SEPTIN11: variants seen among roughly 807,000 people sequenced by gnomAD.
The protein encoded by SEPTIN11 is septin-11.
In SEPTIN11, 25 loss-of-function variants were observed where a neutral mutation model predicts 51.4. That is an observed-to-expected ratio of 0.49 (90% CI 0.35 to 0.68). The LOEUF (loss-of-function observed/expected upper bound fraction) is 0.68. SEPTIN11 is among the 30% of genes least tolerant of loss of function. The pLI is 0.00. For missense variants in SEPTIN11, 381 were observed against 520.8 expected (o/e 0.73, Z 2.61); for synonymous variants, 174 against 184.1 (o/e 0.95, Z 0.44).
At chr4:77,033,169 A>T (rs1195926912) in intron 9 of SEPTIN11, among the ~76,000 whole-genome samples, 2 of 152,022 alleles carry the variant, frequency 1.3e-5, no homozygotes, top group Admixed American at 6.5e-5. Flanking sequence ...GAAAAAAAAA[A>T]ATCACACCTC....
chr4:76,979,710 C>A (rs568287644), intron 1 of SEPTIN11, among the ~76,000 whole-genome samples: 1 of 152,018 alleles, frequency 6.6e-6, no homozygotes, highest in South Asian at 2.1e-4. Flanking sequence ...ATGATGAAAC[C>A]CCGTCTCTAC....
intron 1 of SEPTIN11, chr4:76,972,536 C>G (rs2109903132): frequency 6.6e-6 from 1 of 151,990 alleles, no homozygotes. Context: ...GGAATCCAGC[C>G]TTTTTAGTTG....
rs1578216176 is a variant in SEPTIN11 at position 77,034,902 on chromosome 4, C to T, written c.*390C>T. 1 of 996,708 alleles carries T rather than the reference C, an allele frequency of 1.0e-6. No individual in the cohort carries two copies. Among genetic ancestry groups the T allele is most frequent in the African/African-American group, 1.7e-5 (1 of 57,790 alleles). The allele number at this position is 996,708 out of a possible 1,614,324, so 61.7% of individuals were successfully genotyped here. ...GCAGCTGAACTAAAAACCTGAATAG[C>T]CATGACAAGAGTTTGCATTTTCTTG... On this transcript the variant is annotated 3_prime_UTR_variant, in exon 10 of 10. Coordinates refer to ENST00000264893, the MANE Select transcript of SEPTIN11 (RefSeq NM_018243.4).
rs190031406 is a variant in SEPTIN11 at position 76,951,391 on chromosome 4, T to A, written c.27+1461T>A. On this transcript the variant is annotated intron_variant, in intron 1 of 9. Transcript: ENST00000264893. Reference sequence around the variant, plus strand: ...TCTTTTAAGAATTCTGGTCTTCTTTTGCACATAAATTGTGCTCTTGATAAT... The same window carrying A: ...TCTTTTAAGAATTCTGGTCTTCTTTAGCACATAAATTGTGCTCTTGATAAT... Among the ~76,000 whole-genome samples the A allele has an allele frequency of 3.0e-3, 453 of 152,366 alleles. 2 individuals carry two copies. Among genetic ancestry groups the A allele is most frequent in the Non-Finnish European group, 4.7e-3 (323 of 68,038 alleles).
intron 5 of SEPTIN11, among the ~76,000 whole-genome samples, chr4:77,017,587 C>T (rs1312310420): frequency 6.6e-6 from 1 of 152,176 alleles, no homozygotes. Context: ...TGAACTAGAA[C>T]ATTTCAATAT....
chr4:77,032,232 C>T (rs531912292), intron 9 of SEPTIN11: 1 of 152,206 alleles, frequency 6.6e-6, no homozygotes, highest in South Asian at 2.1e-4. Flanking sequence ...AATGTATCAC[C>T]AGAGCAAGGG....
intron 5 of SEPTIN11, among the ~76,000 whole-genome samples, chr4:77,016,599 CATATATATATATACACATAT>C (rs1725257979): frequency 1.6e-5 from 1 of 62,438 alleles, no homozygotes; most frequent in African/African-American, 5.5e-5. Flanking sequence ...TATACACACA[CATATATATATATACACATAT>C]ATATATATAT....
chr4:77,038,056 A>G lies in SEPTIN11; in HGVS notation c.*3544A>G, dbSNP rs1727154289. ...CGTCCTGCTGTCTCTGTGTGGTCCT[A>G]CAAAAACTGTCCATTCCCACCCCTT... On this transcript the variant is annotated 3_prime_UTR_variant, in exon 10 of 10. Transcript: ENST00000264893. The G allele has an allele frequency of 2.0e-6, 2 of 985,758 alleles. No homozygotes were observed. Among genetic ancestry groups the G allele is most frequent in the Admixed American group, 6.2e-5 (1 of 16,252 alleles). 61.1% of individuals were successfully genotyped at this position (985,758 alleles called of 1,614,324 possible).
intron 2 of SEPTIN11, among the ~76,000 whole-genome samples, chr4:76,998,032 G>C (rs6532760): frequency 0.55 from 83,294 of 151,560 alleles, 23,652 homozygotes; most frequent in Middle Eastern, 0.64. Context: ...TGTGCTGGCT[G>C]AGGGGCTGAC....
At position 76,984,073 on chromosome 4, in the gene SEPTIN11, G is replaced by A. The variant is rs1356624146; in HGVS notation, c.28-12352G>A. On this transcript the variant is annotated intron_variant, in intron 1 of 9. Coordinates refer to ENST00000264893, the MANE Select transcript of SEPTIN11 (RefSeq NM_018243.4). This position sits in a 1 kb window ranked among gnomAD's most constrained non-coding sequence, Gnocchi z 4.1. ...TGAGGATTTTGGCCATAATTGTTTAGTAATATTTGTAGAGCAAGACCAGAT... is the reference window on the plus strand; with the variant it reads ...TGAGGATTTTGGCCATAATTGTTTAATAATATTTGTAGAGCAAGACCAGAT... Among the ~76,000 whole-genome samples the A allele has an allele frequency of 6.6e-6, 1 of 152,180 alleles. No homozygotes were observed. The highest frequency in any genetic ancestry group is 1.9e-4 in the East Asian group (1 of 5,198).
At chr4:77,016,583 C>CATATATATACACACACATAT (rs1725250613) in intron 5 of SEPTIN11, among the ~76,000 whole-genome samples, 3 of 90,504 alleles carry the variant, frequency 3.3e-5, no homozygotes, top group Admixed American at 2.4e-4. Context: ...ATATATATAG[C>CATATATATACACACACATAT]ATATATATAC....
chr4:77,028,749 G>A lies in SEPTIN11; in HGVS notation c.1074G>A (p.Glu358=). 6 of 1,612,046 alleles carry A rather than the reference G, an allele frequency of 3.7e-6. No homozygotes were observed. In the South Asian group the frequency reaches 6.6e-5, roughly 18 times the overall value. The change falls in exon 8 of 10, where the codon GAG becomes GAA. Residue 358 remains glutamate (E), a synonymous_variant. Transcript: ENST00000264893. Reference sequence around the variant, plus strand: ...AGGAGAAAGAAGCTGAACTTAAGGAGGCAGAGAAAGAGGTAAGCCATCTGT... The same window carrying A: ...AGGAGAAAGAAGCTGAACTTAAGGAAGCAGAGAAAGAGGTAAGCCATCTGT... ...RVKEKEAELK[E]AEKELHEKFD...
Position 77,036,202 on chromosome 4 carries a change from T to C in SEPTIN11, c.*1690T>C. ...GCCTAAACAAAGCTGGAATAGAAAC[T>C]ACACACTAGACACAGCAGTAGTCAT... On this transcript the variant is annotated 3_prime_UTR_variant, in exon 10 of 10. Coordinates refer to ENST00000264893, the MANE Select transcript of SEPTIN11 (RefSeq NM_018243.4). The C allele has an allele frequency of 2.0e-6, 2 of 988,918 alleles. No homozygotes were observed. The highest frequency in any genetic ancestry group is 2.4e-6 in the Non-Finnish European group (2 of 832,162). The allele number at this position is 988,918 out of a possible 1,614,324, so 61.3% of individuals were successfully genotyped here.
In SEPTIN11 at chr4:77,036,851, T is replaced by A. The variant is rs925712973; in HGVS notation, c.*2339T>A. ...TCGCCTTTGCATGTAAGTACGGTAG[T>A]AAGAAACCTTTGAGATCTTTCTGAC... On this transcript the variant is annotated 3_prime_UTR_variant, in exon 10 of 10. Transcript: ENST00000264893. The A allele has an allele frequency of 8.9e-6, 13 of 1,466,772 alleles. No individual in the cohort carries two copies. The African/African-American group carries it at 1.7e-4, about 20-fold the overall frequency. The allele number at this position is 1,466,772 out of a possible 1,614,324, so 90.9% of individuals were successfully genotyped here.
At chr4:76,991,996 C>A (rs1216072988) in intron 1 of SEPTIN11, among the ~76,000 whole-genome samples, 1 of 152,186 alleles carries the variant, frequency 6.6e-6, no homozygotes, top group Non-Finnish European at 1.5e-5. Context: ...AGTCATAATC[C>A]ATTTCAAGAT....
chr4:77,039,242 G>C, downstream of SEPTIN11: 1 of 1,204,406 alleles, frequency 8.3e-7, no homozygotes, highest in South Asian at 1.6e-5. Flanking sequence ...ACTGCTGTTT[G>C]TACTTGTCAA....
Position 77,036,933 on chromosome 4 carries a change from G to A in SEPTIN11, c.*2421G>A. On this transcript the variant is annotated 3_prime_UTR_variant, in exon 10 of 10. Coordinates refer to ENST00000264893, the MANE Select transcript of SEPTIN11 (RefSeq NM_018243.4). Reference sequence around the variant, plus strand: ...ATAGATTTTTTTTTTCTTTTCAAGGGGGGCAGGAAGGTAATGGTTTGAGTA... The same window carrying A: ...ATAGATTTTTTTTTTCTTTTCAAGGAGGGCAGGAAGGTAATGGTTTGAGTA... The A allele has an allele frequency of 1.5e-6, 2 of 1,321,594 alleles. No homozygotes were observed. Among genetic ancestry groups the A allele is most frequent in the Non-Finnish European group, 1.9e-6 (2 of 1,040,756 alleles). The allele number at this position is 1,321,594 out of a possible 1,614,324, so 81.9% of individuals were successfully genotyped here.
Position 77,020,509 on chromosome 4 carries a change from T to C in SEPTIN11, c.792T>C (p.Asn264=), listed in dbSNP as rs1725631737. Residue 264 remains asparagine, a synonymous_variant, in exon 7 of 10, where the codon AAT becomes AAC. Transcript: ENST00000264893. ...TTCCCCCCTCTCTTGTAGTTGAGAATGAAAATCATTGCGATTTTGTGAAAC... is the reference window on the plus strand; with the variant it reads ...TTCCCCCCTCTCTTGTAGTTGAGAACGAAAATCATTGCGATTTTGTGAAAC... The part of the protein sequence containing the change: ...QYPWGVVQVE[N]ENHCDFVKLR... The C allele has an allele frequency of 1.2e-6, 2 of 1,613,906 alleles. No individual in the cohort carries two copies. Among genetic ancestry groups the C allele is most frequent in the Non-Finnish European group, 8.5e-7 (1 of 1,179,936 alleles).
chr4:77,013,942 T>A (rs1343066700), intron 4 of SEPTIN11, among the ~76,000 whole-genome samples: 4 of 152,182 alleles, frequency 2.6e-5, no homozygotes, highest in African/African-American at 9.6e-5. Flanking sequence ...AGGGGAAAGT[T>A]AATCTTAAAA....
Sources: gnomAD v4.1 joint callset for allele counts (sites outside exome capture counted in the v4.1 genomes callset) on GRCh38, gnomAD v4.1.1 for gene constraint, Gnocchi (gnomAD v3.1) non-coding constraint, MANE v1.5 for transcripts, NCBI Gene and HGNC (gene_info 2026-07-23, HGNC 2026-07-21) for gene names.